Variants in PHF20L1 observed in about 807,000 individuals in gnomAD.
PHF20L1 encodes the protein PHD finger protein 20-like protein 1.
A neutral mutation model predicts 125.5 loss-of-function variants in PHF20L1; 44 were observed. That is an observed-to-expected ratio of 0.35 (90% CI 0.28 to 0.45). PHF20L1 has a LOEUF of 0.45. Among genes scored for constraint, PHF20L1 ranks in the 20% least tolerant of loss-of-function variants. The pLI is 1.00. For synonymous variants in PHF20L1, 380 were observed against 403.1 expected, an observed-to-expected ratio of 0.94 and a Z score of 0.69; for missense variants, 1,012 against 1,217.2, an observed-to-expected ratio of 0.83 and a Z score of 2.51.
intron 6 of PHF20L1, among the ~76,000 whole-genome samples, chr8:132,800,443 C>T (rs1402901847): frequency 6.6e-6 from 1 of 151,622 alleles, no homozygotes; most frequent in Non-Finnish European, 1.5e-5. Context: ...TTTTTCCCAA[C>T]AAGCTTTTGA....
At chr8:132,807,874 T>G (rs1833920080) in intron 8 of PHF20L1, 1 of 408,368 alleles carries the variant, frequency 2.4e-6, no homozygotes, top group East Asian at 7.5e-5. Flanking sequence ...ATTGGGCAAT[T>G]TTATCCCATA....
intron 2 of PHF20L1, among the ~76,000 whole-genome samples, chr8:132,781,170 T>C (rs1203175545): frequency 6.6e-6 from 1 of 152,076 alleles, no homozygotes; most frequent in Non-Finnish European, 1.5e-5. Context: ...CTGGTATGTG[T>C]CTAGACATAA....
chr8:132,804,594 T>C (rs1271238912), intron 7 of PHF20L1, 21 bp from the exon 8 acceptor site: 12 of 1,582,388 alleles, frequency 7.6e-6, no homozygotes, highest in South Asian at 1.1e-5. Context: ...AACTCTCATA[T>C]ATGTGTTCTG....
chr8:132,840,545 G>A (rs1837828236), intron 18 of PHF20L1, among the ~76,000 whole-genome samples: 1 of 152,034 alleles, frequency 6.6e-6, no homozygotes, highest in Non-Finnish European at 1.5e-5. Flanking sequence ...TTGCCCAATG[G>A]ACTGAGTCCT....
intron 2 of PHF20L1, among the ~76,000 whole-genome samples, chr8:132,781,682 C>T (rs1830447795): frequency 6.6e-6 from 1 of 152,214 alleles, no homozygotes; most frequent in Non-Finnish European, 1.5e-5. Flanking sequence ...GTGCCTGCCT[C>T]AGTCCCCCAC....
Position 132,794,459 on chromosome 8 carries a change from G to A in PHF20L1, c.133G>A (p.Val45Ile), listed in dbSNP as rs1832153994. ...KIDYEEGKMLVHFERWSHRYD... is the reference protein window; with the variant it reads ...KIDYEEGKMLIHFERWSHRYD... ...TGACTATGAGGAGGGCAAGATGTTG[G>A]TCCATTTTGAGCGCTGGAGTCATCG... The change falls in exon 3 of 21, where the codon GTC becomes ATC. Residue 45 changes from valine (V) to isoleucine (I), a missense_variant. By Grantham distance (29) the Val-to-Ile change is conservative. Around this residue, in one of 7 missense-constraint regions of PHF20L1, gnomAD observed 94 missense variants for 179.5 expected, o/e 0.52. Coordinates refer to ENST00000395386, the MANE Select transcript of PHF20L1 (RefSeq NM_016018.5). The A allele has an allele frequency of 6.2e-7, 1 of 1,611,886 alleles. No homozygotes were observed. The highest frequency in any genetic ancestry group is 8.5e-7 in the Non-Finnish European group (1 of 1,178,266).
rs775987921 is a variant in PHF20L1 at position 132,794,764 on chromosome 8, G to A, written c.287G>A (p.Arg96His). The change falls in exon 4 of 21, where the codon CGT (arginine) becomes CAT (histidine). Residue 96 changes from arginine to histidine, a missense_variant. This residue lies in a region of PHF20L1 where 94 missense variants were observed against 179.5 expected (regional missense o/e 0.52). Coordinates refer to ENST00000395386, the MANE Select transcript of PHF20L1 (RefSeq NM_016018.5). ...DFKAGEEVLA[R>H]WTDCRYYPAK... is the part of the protein sequence containing the mutation. The stretch of plus-strand genomic sequence containing the variant: ...AAAGCTGGAGAAGAAGTTCTGGCTC[G>A]TTGGACAGACTGTCGCTATTACCCT... 3 of 1,613,072 alleles carry A rather than the reference G, an allele frequency of 1.9e-6. No individual in the cohort carries two copies. Among genetic ancestry groups the A allele is most frequent in the Non-Finnish European group, 2.5e-6 (3 of 1,179,260 alleles).
intron 1 of PHF20L1, among the ~76,000 whole-genome samples, chr8:132,776,832 C>T (rs533028604): frequency 2.6e-5 from 4 of 152,292 alleles, no homozygotes; most frequent in African/African-American, 9.6e-5. Context: ...CTCCTCGCCC[C>T]TGATAACAAT....
chr8:132,832,436 C>A lies in PHF20L1; in HGVS notation c.1909+37C>A, dbSNP rs558297639. On this transcript the variant is annotated intron_variant, in intron 15 of 20. Coordinates refer to ENST00000395386, the MANE Select transcript of PHF20L1 (RefSeq NM_016018.5). ...CATGTGATGGTTAAAACAAGACTTA[C>A]AATTCCTAAATGTGTAACTGAGAAT... is the stretch of plus-strand genomic sequence containing the variant. 13 of 1,472,578 alleles carry A rather than the reference C, an allele frequency of 8.8e-6. No individual in the cohort carries two copies. The South Asian group carries it at 1.0e-4, about 12-fold the overall frequency. The allele number at this position is 1,472,578 out of a possible 1,614,324, so 91.2% of individuals were successfully genotyped here. A position where few individuals can be genotyped will look rare whatever the true frequency, so the allele number is the denominator to read the frequency against.
At chr8:132,801,567 G>C (rs1026192280) in intron 6 of PHF20L1, among the ~76,000 whole-genome samples, 1 of 151,648 alleles carries the variant, frequency 6.6e-6, no homozygotes, top group Non-Finnish European at 1.5e-5. Context: ...TTTTAACAAT[G>C]AAGCTTTTCT....
At chr8:132,811,279 A>C in intron 9 of PHF20L1, 151 bp downstream of exon 9, 1 of 1,415,760 alleles carries the variant, frequency 7.1e-7, no homozygotes. Context: ...TGCCTTCTCC[A>C]AGGTATACAG....
rs575972581 is a variant in PHF20L1, at chr8:132,847,117, G to T, written c.*1194G>T. 2.0e-5 allele frequency: 3 copies of T among 152,562 alleles called. No individual in the cohort carries two copies. Among genetic ancestry groups the T allele is most frequent in the Non-Finnish European group, 2.9e-5 (2 of 68,012 alleles). The allele number at this position is 152,562 out of a possible 1,614,324, so 9.5% of individuals were successfully genotyped here. A position where few individuals can be genotyped will look rare whatever the true frequency, so the allele number is the denominator to read the frequency against. On this transcript the variant is annotated 3_prime_UTR_variant, in exon 21 of 21. Transcript: ENST00000395386. ...CTGCCAGTACTCATGTGAGTTGTAT[G>T]TGCCCCCAGTGCTACATACGCAGGT...
intron 14 of PHF20L1, among the ~76,000 whole-genome samples, chr8:132,827,164 C>G (rs576214750): frequency 1.3e-5 from 2 of 151,860 alleles, no homozygotes; most frequent in African/African-American, 4.8e-5. Context: ...TGCCCACCCC[C>G]CCATCACCTC....
intron 15 of PHF20L1, among the ~76,000 whole-genome samples, chr8:132,834,660 C>T (rs1587061892): frequency 2.0e-5 from 3 of 152,094 alleles, no homozygotes; most frequent in Admixed American, 2.0e-4. Flanking sequence ...TATGCTGCAA[C>T]AGTGTTTGAA....
intron 13 of PHF20L1, chr8:132,824,912 T>A: frequency 1.7e-6 from 1 of 591,146 alleles, no homozygotes; most frequent in African/African-American, 1.9e-5. Flanking sequence ...AAATTACATA[T>A]GGAAATGCTG....
chr8:132,816,841 G>T (rs762612125), intron 10 of PHF20L1, 47 bp from the exon 11 acceptor site: 3 of 1,189,246 alleles, frequency 2.5e-6, no homozygotes, highest in Non-Finnish European at 3.7e-6. Flanking sequence ...ATTGTAAGAT[G>T]CTCCTGGTAT....
intron 2 of PHF20L1, among the ~76,000 whole-genome samples, chr8:132,791,626 A>C (rs1831718962): frequency 6.6e-6 from 1 of 152,210 alleles, no homozygotes; most frequent in African/African-American, 2.4e-5. Flanking sequence ...GTTCAAATAA[A>C]TGTTTAATGA....
At chr8:132,784,615 A>G (rs571681789) in intron 2 of PHF20L1, among the ~76,000 whole-genome samples, 1 of 152,310 alleles carries the variant, frequency 6.6e-6, no homozygotes, top group Admixed American at 6.5e-5. Context: ...TAGAGGAGAA[A>G]ATGAGAAAAA....
chr8:132,813,130 G>A, intron 9 of PHF20L1: 1 of 972,842 alleles, frequency 1.0e-6, no homozygotes, highest in Non-Finnish European at 1.2e-6. Flanking sequence ...TGAGAGTAAT[G>A]GATGCTGTAG....
Sources: gnomAD v4.1 joint callset for allele counts (sites outside exome capture counted in the v4.1 genomes callset) on GRCh38, gnomAD v4.1.1 for gene constraint, gnomAD v4.1.1 regional missense constraint, MANE v1.5 for transcripts, NCBI Gene and HGNC (gene_info 2026-07-23, HGNC 2026-07-21) for gene names.